The following TMCC3 variants were observed in gnomAD, a reference collection of about 807,000 sequenced individuals.
The protein encoded by TMCC3 is transmembrane and coiled-coil domain protein 3.
A neutral mutation model predicts 40.2 loss-of-function variants in TMCC3; 28 were observed. The observed-to-expected ratio is 0.70, with a 90% confidence interval of 0.52 to 0.95. The LOEUF (loss-of-function observed/expected upper bound fraction) is 0.95, where lower values mean the gene tolerates loss of function less well. Ranked by LOEUF, TMCC3 falls within the 40% of genes least tolerant of loss-of-function variation. The pLI, the probability that TMCC3 is intolerant of heterozygous loss-of-function variation, is 0.00. For synonymous variants in TMCC3, 255 were observed against 248.5 expected (o/e 1.03, Z -0.25); for missense variants, 554 against 615.2 (o/e 0.90, Z 1.05).
intron 1 of TMCC3, among the ~76,000 whole-genome samples, chr12:94,636,808 A>G (rs2068963388): frequency 6.6e-6 from 1 of 152,284 alleles, no homozygotes; most frequent in Admixed American, 6.5e-5. Context: ...CCTCAGGTCT[A>G]CAGTTGCAAG....
chr12:94,626,178 C>T (rs1009928263), intron 1 of TMCC3, among the ~76,000 whole-genome samples: 2 of 152,202 alleles, frequency 1.3e-5, no homozygotes, highest in Admixed American at 1.3e-4. Context: ...CATTCACTAT[C>T]ACGAGAACAG....
At chr12:94,597,156 T>TATATATATATATATATATAA (rs2068722036) in intron 1 of TMCC3, among the ~76,000 whole-genome samples, 2 of 15,116 alleles carry the variant, frequency 1.3e-4, no homozygotes, top group African/African-American at 3.2e-4. Flanking sequence ...TATATATATA[T>TATATATATATATATATATAA]ATGTATATAA....
intron 1 of TMCC3, among the ~76,000 whole-genome samples, chr12:94,633,990 G>C (rs1378298931): frequency 6.7e-6 from 1 of 150,062 alleles, no homozygotes; most frequent in Non-Finnish European, 1.5e-5. Context: ...CTGTTGCCCA[G>C]GCTGGAGTAC....
chr12:94,636,629 A>G (rs932939962), intron 1 of TMCC3, among the ~76,000 whole-genome samples: 3 of 152,258 alleles, frequency 2.0e-5, no homozygotes, highest in Non-Finnish European at 2.9e-5. Flanking sequence ...CAAAAGGGAG[A>G]GTGCCTAGGT....
chr12:94,604,913 G>C (rs969415410), intron 1 of TMCC3, among the ~76,000 whole-genome samples: 1 of 152,006 alleles, frequency 6.6e-6, no homozygotes, highest in South Asian at 2.1e-4. Flanking sequence ...TTGACTTAGA[G>C]GCAGCTCAAA....
At position 94,627,989 on chromosome 12, in the gene TMCC3, C is replaced by T. The variant is rs112100072; in HGVS notation, c.78+22364G>A. On this transcript the variant is annotated intron_variant, in intron 1 of 3. Coordinates refer to ENST00000261226, the MANE Select transcript of TMCC3 (RefSeq NM_020698.4). ...GAATGTACTGAATTGGGCTGAAAGC[C>T]CAATCATTTTAAGTACAATCCACAT... is the stretch of plus-strand genomic sequence containing the variant. Among the ~76,000 whole-genome samples, 1,049 of 152,300 alleles carry T rather than the reference C, an allele frequency of 6.9e-3. 13 individuals are homozygous for T. Among genetic ancestry groups the T allele is most frequent in the African/African-American group, 0.024 (994 of 41,572 alleles).
rs754842631 is a variant in TMCC3 at position 94,644,466 on chromosome 12, G to T, written c.78+5887C>A. ...CACCCTGAGATCCAACTTGGTAGCAGCTGTCTTGGTGATCTCTACAGCGGA... is the reference window on the plus strand; with the variant it reads ...CACCCTGAGATCCAACTTGGTAGCATCTGTCTTGGTGATCTCTACAGCGGA... On this transcript the variant is annotated intron_variant, in intron 1 of 3. Transcript: ENST00000261226. The T allele has an allele frequency of 1.3e-4, 130 of 984,582 alleles. 1 individual carries two copies. Among genetic ancestry groups the T allele is most frequent in the Non-Finnish European group, 1.4e-4 (116 of 829,278 alleles). The allele number at this position is 984,582 out of a possible 1,614,324, so 61.0% of individuals were successfully genotyped here.
intron 1 of TMCC3, among the ~76,000 whole-genome samples, chr12:94,641,415 G>A (rs2068990208): frequency 6.6e-6 from 1 of 152,248 alleles, no homozygotes; most frequent in Middle Eastern, 3.4e-3. Flanking sequence ...ATAGGATACA[G>A]TAAAAGCCAC....
intron 1 of TMCC3, among the ~76,000 whole-genome samples, chr12:94,601,269 C>T (rs192186607): frequency 3.3e-5 from 5 of 152,082 alleles, no homozygotes; most frequent in Admixed American, 3.3e-4. Flanking sequence ...AATCCCAACA[C>T]TTTGGGAGGC....
At chr12:94,643,341 G>C (rs142519438) in intron 1 of TMCC3, among the ~76,000 whole-genome samples, 255 of 152,314 alleles carry the variant, frequency 1.7e-3, no homozygotes, top group African/African-American at 5.8e-3. Context: ...TCACCAGGTA[G>C]GTGACTGATG....
chr12:94,600,911 T>C (rs1016125942), intron 1 of TMCC3, among the ~76,000 whole-genome samples: 1 of 152,218 alleles, frequency 6.6e-6, no homozygotes, highest in African/African-American at 2.4e-5. Context: ...GCAGTATCAC[T>C]GAGCAGCAAA....
chr12:94,629,147 T>G (rs1356660996), intron 1 of TMCC3, among the ~76,000 whole-genome samples: 2 of 152,172 alleles, frequency 1.3e-5, no homozygotes, highest in Non-Finnish European at 2.9e-5. Flanking sequence ...TATACACACA[T>G]ATACAAAATA....
chr12:94,628,921 T>C (rs1340877690), intron 1 of TMCC3, among the ~76,000 whole-genome samples: 1 of 152,216 alleles, frequency 6.6e-6, no homozygotes, highest in East Asian at 1.9e-4. Context: ...CTATAATTTC[T>C]TGAGTTTGCG....
In TMCC3 at chr12:94,611,307, A is replaced by C. The variant is rs2068814529; in HGVS notation, c.79-28769T>G. 2.6e-5 allele frequency among the ~76,000 whole-genome samples: 4 copies of C among 152,216 alleles called. No homozygotes were observed. In the South Asian group the frequency reaches 8.3e-4, roughly 32 times the overall value. ...CTAAGCTGGAATTGCCAAGTCATAA[A>C]TATAAGTTTTCAAGTAAAAGTCCCA... On this transcript the variant is annotated intron_variant, in intron 1 of 3. Transcript: ENST00000261226.
At chr12:94,604,663 C>T (rs1240040876) in intron 1 of TMCC3, among the ~76,000 whole-genome samples, 1 of 118,562 alleles carries the variant, frequency 8.4e-6, no homozygotes, top group African/African-American at 3.0e-5. Flanking sequence ...AAAAAAAATG[C>T]TGCGTGTGGT....
At chr12:94,572,986 GTTC>G (rs1280780679) in intron 3 of TMCC3, among the ~76,000 whole-genome samples, 1 of 152,186 alleles carries the variant, frequency 6.6e-6, no homozygotes, top group Non-Finnish European at 1.5e-5. Flanking sequence ...CTCTAGGCCA[GTTC>G]TTCTTCTGAG....
intron 1 of TMCC3, among the ~76,000 whole-genome samples, chr12:94,611,612 A>C (rs895493408): frequency 2.0e-5 from 3 of 152,208 alleles, no homozygotes; most frequent in African/African-American, 7.2e-5. Flanking sequence ...CAGATACCAA[A>C]ATCTGCGAGT....
chr12:94,578,674 G>A (rs1301066738), intron 2 of TMCC3, 145 bp from the exon 3 acceptor site: 3 of 883,140 alleles, frequency 3.4e-6, no homozygotes, highest in Non-Finnish European at 3.4e-6. Flanking sequence ...GGCTAGCTGT[G>A]GGAATTGAGC....
intron 1 of TMCC3, among the ~76,000 whole-genome samples, chr12:94,594,813 C>T (rs1459235879): frequency 6.6e-6 from 1 of 152,210 alleles, no homozygotes; most frequent in Non-Finnish European, 1.5e-5. Flanking sequence ...CCCTAAAACA[C>T]ACAGGGTGGG....
Sources: allele counts gnomAD v4.1 joint callset (sites outside exome capture counted in the v4.1 genomes callset), GRCh38; gene constraint gnomAD v4.1.1; transcripts MANE v1.5; gene names NCBI Gene and HGNC (gene_info 2026-07-23, HGNC 2026-07-21).